Variants in B3GALT1 observed in about 807,000 individuals in gnomAD.
The protein encoded by B3GALT1 is UDP-Gal:betaGlcNAc beta 1,3-galactosyltransferase, polypeptide 1.
Under a neutral mutation model 23.2 loss-of-function variants are expected in B3GALT1, and 10 were observed. The ratio of observed to expected loss-of-function variants is 0.43; its 90% CI spans 0.27 to 0.73. The LOEUF (loss-of-function observed/expected upper bound fraction) is 0.73. B3GALT1 is among the 30% of genes least tolerant of loss of function. The pLI is 0.21. For synonymous variants in B3GALT1, 156 were observed against 141.5 expected (o/e 1.10, Z -0.73); for missense variants, 299 against 405.4 (o/e 0.74, Z 2.25).
intron 1 of B3GALT1, among the ~76,000 whole-genome samples, chr2:167,355,234 C>A (rs1030544429): frequency 6.6e-6 from 1 of 152,222 alleles, no homozygotes; most frequent in Admixed American, 6.5e-5. Context: ...AGGTCACCAT[C>A]TCCAGACTTC....
intron 3 of B3GALT1, among the ~76,000 whole-genome samples, chr2:167,757,892 G>A (rs1044009106): frequency 1.3e-5 from 2 of 152,078 alleles, no homozygotes; most frequent in Admixed American, 6.6e-5. Context: ...AGCCATGCAG[G>A]TTCCCTCTTC....
intron 2 of B3GALT1, among the ~76,000 whole-genome samples, chr2:167,570,352 T>A (rs1684268717): frequency 6.6e-6 from 1 of 151,816 alleles, no homozygotes; most frequent in Admixed American, 6.6e-5. Context: ...TAGATATAGG[T>A]CTATTTTTTC....
intron 1 of B3GALT1, among the ~76,000 whole-genome samples, chr2:167,413,014 T>A (rs1698413471): frequency 6.6e-6 from 1 of 152,144 alleles, no homozygotes; most frequent in South Asian, 2.1e-4. Flanking sequence ...TCAGAATATC[T>A]CTTGCTGAGG....
chr2:167,780,001 A>G (rs1171159012), intron 3 of B3GALT1, among the ~76,000 whole-genome samples: 1 of 152,238 alleles, frequency 6.6e-6, no homozygotes, highest in Non-Finnish European at 1.5e-5. Context: ...ATTATTTGCT[A>G]AAGCCATTTG....
intron 1 of B3GALT1, among the ~76,000 whole-genome samples, chr2:167,474,257 G>A (rs1041294021): frequency 1.3e-5 from 2 of 152,158 alleles, no homozygotes; most frequent in African/African-American, 4.8e-5. Flanking sequence ...TTGACTTGAC[G>A]TCTGGTGACA....
intron 1 of B3GALT1, among the ~76,000 whole-genome samples, chr2:167,410,177 C>G (rs1199679108): frequency 6.6e-6 from 1 of 152,002 alleles, no homozygotes; most frequent in Non-Finnish European, 1.5e-5. Flanking sequence ...AACACAGGAA[C>G]AGGAAACCAA....
chr2:167,610,278 A>C (rs1685036948), intron 2 of B3GALT1, among the ~76,000 whole-genome samples: 1 of 152,092 alleles, frequency 6.6e-6, no homozygotes, highest in African/African-American at 2.4e-5. Context: ...CAGGCAGAGC[A>C]CAGCTAATGA....
intron 4 of B3GALT1, among the ~76,000 whole-genome samples, chr2:167,835,593 CTCT>C (rs1689446780): frequency 6.6e-6 from 1 of 152,264 alleles, no homozygotes; most frequent in Non-Finnish European, 1.5e-5. Flanking sequence ...TAGGCTCCAC[CTCT>C]GGGGGCAGGG....
intron 1 of B3GALT1, among the ~76,000 whole-genome samples, chr2:167,448,065 A>G (rs940069085): frequency 6.6e-5 from 10 of 152,014 alleles, no homozygotes; most frequent in Admixed American, 3.9e-4. Flanking sequence ...TGCAATTGCC[A>G]ATTGTGCTAC....
chr2:167,544,469 AT>A (rs535698627), intron 2 of B3GALT1, among the ~76,000 whole-genome samples: 1 of 151,346 alleles, frequency 6.6e-6, no homozygotes, highest in Non-Finnish European at 1.5e-5. Context: ...TAATTTTTGT[AT>A]TTTTTTTATA....
intron 3 of B3GALT1, among the ~76,000 whole-genome samples, chr2:167,754,334 G>T (rs1286950902): frequency 6.6e-6 from 1 of 152,170 alleles, no homozygotes; most frequent in Non-Finnish European, 1.5e-5. Context: ...TCTTAAGTCT[G>T]CAGTTAGACT....
chr2:167,423,787 A>T (rs1698584270), intron 1 of B3GALT1, among the ~76,000 whole-genome samples: 1 of 152,092 alleles, frequency 6.6e-6, no homozygotes, highest in African/African-American at 2.4e-5. Flanking sequence ...CCACATTTTC[A>T]TATTGGCAAT....
intron 1 of B3GALT1, among the ~76,000 whole-genome samples, chr2:167,448,502 T>C (rs1304659218): frequency 6.6e-6 from 1 of 152,202 alleles, no homozygotes; most frequent in Non-Finnish European, 1.5e-5. Context: ...TCTTGTAGAT[T>C]CTGGATACCC....
intron 3 of B3GALT1, among the ~76,000 whole-genome samples, chr2:167,816,597 T>C (rs1321136707): frequency 6.6e-6 from 1 of 152,220 alleles, no homozygotes; most frequent in East Asian, 1.9e-4. Context: ...AATAATATTT[T>C]ATAGAAGATG....
chr2:167,724,465 A>C (rs576219519), intron 3 of B3GALT1, among the ~76,000 whole-genome samples: 125 of 152,304 alleles, frequency 8.2e-4, no homozygotes, highest in Admixed American at 1.5e-3. Context: ...AAGAACTTGA[A>C]TTCTTATGCC....
At chr2:167,386,178 G>A (rs574958722) in intron 1 of B3GALT1, among the ~76,000 whole-genome samples, 3 of 152,050 alleles carry the variant, frequency 2.0e-5, no homozygotes, top group Non-Finnish European at 2.9e-5. Context: ...CAGGAATTTA[G>A]CAATGCCTTT....
chr2:167,580,921 C>A (rs1480039062), intron 2 of B3GALT1, among the ~76,000 whole-genome samples: 1 of 152,174 alleles, frequency 6.6e-6, no homozygotes, highest in Non-Finnish European at 1.5e-5. Context: ...GTGTTCACTA[C>A]AGTTTCTACT....
intron 1 of B3GALT1, among the ~76,000 whole-genome samples, chr2:167,442,126 A>G (rs993586300): frequency 1.5e-4 from 22 of 149,846 alleles, no homozygotes; most frequent in African/African-American, 5.4e-4. Context: ...GAGAATATGC[A>G]CTGTTTGGTT....
At chr2:167,319,337 C>T (rs1467010791) in intron 1 of B3GALT1, among the ~76,000 whole-genome samples, 3 of 152,070 alleles carry the variant, frequency 2.0e-5, no homozygotes, top group Non-Finnish European at 4.4e-5. Flanking sequence ...ATTTTCTTCT[C>T]TGATAGCTGA....
Sources: gnomAD v4.1 joint callset for allele counts (sites outside exome capture counted in the v4.1 genomes callset) on GRCh38, gnomAD v4.1.1 for gene constraint, MANE v1.5 for transcripts, NCBI Gene and HGNC (gene_info 2026-07-23, HGNC 2026-07-21) for gene names.